IQCH: variants seen among roughly 807,000 people sequenced by gnomAD.
IQCH encodes the protein IQ domain-containing protein H.
A neutral mutation model predicts 117.0 loss-of-function variants in IQCH; 98 were observed. That is an observed-to-expected ratio of 0.84 (90% CI 0.71 to 0.99). IQCH has a LOEUF of 0.99. IQCH is among the 50% of genes least tolerant of loss of function. The pLI is 0.00. For missense variants in IQCH, 1,102 were observed against 1,243.8 expected (o/e 0.89, Z 1.72); for synonymous variants, 412 against 448.2 (o/e 0.92, Z 1.02).
intron 13 of IQCH, among the ~76,000 whole-genome samples, chr15:67,398,955 A>T (rs1971554488): frequency 6.6e-6 from 1 of 152,194 alleles, no homozygotes; most frequent in East Asian, 1.9e-4. Flanking sequence ...TTTTTCTCCC[A>T]GGCTCTGCCA....
intron 4 of IQCH, among the ~76,000 whole-genome samples, chr15:67,287,744 T>C (rs1043881344): frequency 9.9e-5 from 15 of 152,070 alleles, no homozygotes; most frequent in Non-Finnish European, 8.8e-5. Flanking sequence ...CATTTATTTC[T>C]GCTCTGATCT....
At chr15:67,497,367 A>G (rs2083847228) in intron 20 of IQCH, among the ~76,000 whole-genome samples, 1 of 152,158 alleles carries the variant, frequency 6.6e-6, no homozygotes, top group Admixed American at 6.5e-5. Context: ...AGAACCCATC[A>G]ACAAGTTTAT....
Position 67,325,027 on chromosome 15 carries a change from CCTT to C in IQCH, c.388-11945_388-11943del. Among the ~76,000 whole-genome samples the C allele has an allele frequency of 3.3e-5, 5 of 152,202 alleles. 1 individual carries two copies. In the Middle Eastern group the frequency reaches 0.017, roughly 518 times the overall value. ...TTCTCTATGATTCTCTCCCTCCTCT[CCTT>C]CTGGGGCTTCAATTACATGCAGATT... On this transcript the variant is annotated intron_variant, in intron 4 of 20. Coordinates refer to ENST00000335894, the MANE Select transcript of IQCH (RefSeq NM_001031715.3).
At chr15:67,383,634 A>G in intron 10 of IQCH, among the ~76,000 whole-genome samples, 1 of 152,340 alleles carries the variant, frequency 6.6e-6, no homozygotes, top group South Asian at 2.1e-4. Flanking sequence ...TATAGATAAA[A>G]TTATACATAT....
At position 67,422,829 on chromosome 15, in the gene IQCH, T is replaced by C. The variant is rs1316525547; in HGVS notation, c.2505+1252T>C. Among the ~76,000 whole-genome samples the C allele has an allele frequency of 6.6e-6, 1 of 152,236 alleles. No individual in the cohort carries two copies. The highest frequency in any genetic ancestry group is 1.9e-4 in the East Asian group (1 of 5,196). On this transcript the variant is annotated intron_variant, in intron 16 of 20. Transcript: ENST00000335894. The surrounding 1 kb of genome is among the most constrained non-coding windows in gnomAD (Gnocchi z 4.7). ...ATTTCACAGGACTCGTGTTTTAAAA[T>C]GTCCGGTTGCTCCTCTCTTAGTGCT... is the stretch of plus-strand genomic sequence containing the variant.
At chr15:67,348,658 T>A (rs1165760486) in intron 6 of IQCH, among the ~76,000 whole-genome samples, 3 of 152,220 alleles carry the variant, frequency 2.0e-5, no homozygotes, top group Admixed American at 6.5e-5. Flanking sequence ...GTTCATAGAT[T>A]AGAAGACTAA....
At chr15:67,396,434 T>C (rs1971473301) in intron 13 of IQCH, among the ~76,000 whole-genome samples, 1 of 151,544 alleles carries the variant, frequency 6.6e-6, no homozygotes, top group Non-Finnish European at 1.5e-5. Flanking sequence ...TTGGACCAAG[T>C]GTGTGGCTAT....
rs911757391 is a variant in IQCH at position 67,453,922 on chromosome 15, G to A, written c.2506-11205G>A. On this transcript the variant is annotated intron_variant, in intron 16 of 20. Coordinates refer to ENST00000335894, the MANE Select transcript of IQCH (RefSeq NM_001031715.3). This position sits in a 1 kb window ranked among gnomAD's most constrained non-coding sequence, Gnocchi z 5.8. ...GTTTACGTAATCAAACAACTAACTC[G>A]GCAATGGCGGGCACCCCTCCCCCAG... Among the ~76,000 whole-genome samples the A allele has an allele frequency of 6.6e-6, 1 of 152,164 alleles. No homozygotes were observed. The highest frequency in any genetic ancestry group is 2.4e-5 in the African/African-American group (1 of 41,434).
rs181560958 is a variant in IQCH, at chr15:67,343,922, T to C, written c.509-141T>C. The C allele has an allele frequency of 6.6e-6, 4 of 607,354 alleles. No individual in the cohort carries two copies. In the African/African-American group the frequency reaches 7.4e-5, roughly 11 times the overall value. 37.6% of individuals were successfully genotyped at this position (607,354 alleles called of 1,614,324 possible). Reference sequence around the variant, plus strand: ...TGAATGTGTACTGTAGCTATTTTTTTATGCAAAGGATTAAGGCACTAGATG... The same window carrying C: ...TGAATGTGTACTGTAGCTATTTTTTCATGCAAAGGATTAAGGCACTAGATG... On this transcript the variant is annotated intron_variant, in intron 5 of 20. Transcript: ENST00000335894.
intron 4 of IQCH, among the ~76,000 whole-genome samples, chr15:67,299,084 A>T (rs1966893693): frequency 1.3e-5 from 2 of 151,380 alleles, no homozygotes. Context: ...CAGCCAAAAA[A>T]AAAAAAAAAC....
chr15:67,281,799 C>A (rs1225705013), intron 4 of IQCH: 1 of 454,330 alleles, frequency 2.2e-6, no homozygotes, highest in Non-Finnish European at 4.4e-6. Flanking sequence ...TTTTTATTTC[C>A]TTCACAGAGG....
chr15:67,429,243 G>T (rs1261186520), intron 16 of IQCH, among the ~76,000 whole-genome samples: 3 of 152,234 alleles, frequency 2.0e-5, no homozygotes, highest in African/African-American at 7.2e-5. Context: ...TCTAGGCTCA[G>T]TGGCTCATGT....
At position 67,290,852 on chromosome 15, in the gene IQCH, G is replaced by A. The variant is rs139741678; in HGVS notation, c.387+11340G>A. On this transcript the variant is annotated intron_variant, in intron 4 of 20. Transcript: ENST00000335894. ...ATAATACAGCATGATCCCTTTCCACGTGGAATTTAATATAGTGGCCTTCCT... is the reference window on the plus strand; with the variant it reads ...ATAATACAGCATGATCCCTTTCCACATGGAATTTAATATAGTGGCCTTCCT... Among the ~76,000 whole-genome samples the A allele has an allele frequency of 1.2e-4, 18 of 152,232 alleles. 1 individual carries two copies. The East Asian group carries it at 2.9e-3, about 24-fold the overall frequency.
chr15:67,415,229 G>A (rs1378915735), intron 14 of IQCH, among the ~76,000 whole-genome samples: 2 of 152,168 alleles, frequency 1.3e-5, no homozygotes, highest in African/African-American at 2.4e-5. Flanking sequence ...CAGAGAAAAT[G>A]TGCACAGCGT....
chr15:67,329,064 T>TTA (rs1567100609), intron 4 of IQCH, among the ~76,000 whole-genome samples: 2 of 152,174 alleles, frequency 1.3e-5, no homozygotes, highest in African/African-American at 4.8e-5. Flanking sequence ...TTTGGAAGGC[T>TTA]GAGATGGGAG....
At chr15:67,301,831 T>A (rs986915959) in intron 4 of IQCH, among the ~76,000 whole-genome samples, 1 of 152,204 alleles carries the variant, frequency 6.6e-6, no homozygotes, top group African/African-American at 2.4e-5. Context: ...AAATAGTAAA[T>A]ATGAGAATAT....
At chr15:67,318,170 T>C (rs1335558629) in intron 4 of IQCH, among the ~76,000 whole-genome samples, 1 of 152,220 alleles carries the variant, frequency 6.6e-6, no homozygotes. Context: ...GGATTTGTTT[T>C]CCATGTTTGG....
chr15:67,492,837 AAAGTAGGAGATAGAGG>A (rs2083698788), intron 19 of IQCH, among the ~76,000 whole-genome samples: 1 of 152,190 alleles, frequency 6.6e-6, no homozygotes, highest in South Asian at 2.1e-4. Flanking sequence ...ACCATCACAG[AAAGTAGGAGATAGAGG>A]AAGAGCCTGT....
rs1596334216 is a variant in IQCH, at chr15:67,416,424, G to A, written c.2098-507G>A. 6.6e-6 allele frequency among the ~76,000 whole-genome samples: 1 copy of A among 152,016 alleles called. No homozygotes were observed. The highest frequency in any genetic ancestry group is 1.9e-4 in the East Asian group (1 of 5,198). On this transcript the variant is annotated intron_variant, in intron 14 of 20. Transcript: ENST00000335894. The surrounding 1 kb of genome is among the most constrained non-coding windows in gnomAD (Gnocchi z 5.1). Reference sequence around the variant, plus strand: ...CCCAGCTACTCGGGAGGCTGAGGCAGGAGAATCACTTGAACCCGGGAGGCA... The same window carrying A: ...CCCAGCTACTCGGGAGGCTGAGGCAAGAGAATCACTTGAACCCGGGAGGCA...
Sources: allele counts gnomAD v4.1 joint callset (sites outside exome capture counted in the v4.1 genomes callset), GRCh38; gene constraint gnomAD v4.1.1; non-coding constraint Gnocchi (gnomAD v3.1); transcripts MANE v1.5; gene names NCBI Gene and HGNC (gene_info 2026-07-23, HGNC 2026-07-21).